The following GRIK1 variants were observed in gnomAD, a reference collection of about 807,000 sequenced individuals.
The protein encoded by GRIK1 is glutamate ionotropic receptor kainate type subunit 1.
A neutral mutation model predicts 105.7 loss-of-function variants in GRIK1; 69 were observed. The ratio of observed to expected loss-of-function variants is 0.65; its 90% CI spans 0.54 to 0.80. The LOEUF is 0.80. Among genes scored for constraint, GRIK1 ranks in the 30% least tolerant of loss-of-function variants. The pLI, the probability that GRIK1 is intolerant of heterozygous loss-of-function variation, is 0.00. For missense variants in GRIK1, 1,109 were observed against 1,167.3 expected (o/e 0.95, Z 0.73); for synonymous variants, 438 against 431.3 (o/e 1.02, Z -0.19).
At chr21:29,668,892 T>G (rs1011097685) in intron 4 of GRIK1, among the ~76,000 whole-genome samples, 4 of 152,178 alleles carry the variant, frequency 2.6e-5, no homozygotes, top group African/African-American at 9.7e-5. Context: ...GAGCAATGGT[T>G]TCCACATTGA....
chr21:29,762,387 C>A (rs1260487174), intron 1 of GRIK1, among the ~76,000 whole-genome samples: 1 of 152,108 alleles, frequency 6.6e-6, no homozygotes, highest in East Asian at 1.9e-4. Flanking sequence ...ATTAATTTAT[C>A]ATAAAGGAAA....
chr21:29,628,464 T>C (rs2062184271), intron 7 of GRIK1, among the ~76,000 whole-genome samples: 1 of 152,246 alleles, frequency 6.6e-6, no homozygotes, highest in Non-Finnish European at 1.5e-5. Flanking sequence ...CAATATTTGA[T>C]TTCCAACTCT....
chr21:29,708,525 G>A (rs977967708), intron 1 of GRIK1, among the ~76,000 whole-genome samples: 8 of 152,084 alleles, frequency 5.3e-5, no homozygotes, highest in Non-Finnish European at 1.0e-4. Flanking sequence ...CTTTCCCTTC[G>A]GAATACATGC....
intron 1 of GRIK1, among the ~76,000 whole-genome samples, chr21:29,879,762 G>A (rs2069332118): frequency 6.6e-6 from 1 of 152,040 alleles, no homozygotes. Context: ...AAAGAAAGAG[G>A]ATAATAAGGC....
intron 4 of GRIK1, among the ~76,000 whole-genome samples, chr21:29,664,401 C>T (rs1348574596): frequency 6.6e-6 from 1 of 152,138 alleles, no homozygotes; most frequent in African/African-American, 2.4e-5. Context: ...TGGTGCTGAG[C>T]TTAATGCCTT....
At chr21:29,861,053 G>A (rs2068620229) in intron 1 of GRIK1, among the ~76,000 whole-genome samples, 1 of 151,420 alleles carries the variant, frequency 6.6e-6, no homozygotes, top group African/African-American at 2.4e-5. Flanking sequence ...AATTACGTAT[G>A]TGACTCACTT....
At chr21:29,589,768 CAACT>C (rs2061305916) in intron 10 of GRIK1, among the ~76,000 whole-genome samples, 2 of 152,030 alleles carry the variant, frequency 1.3e-5, no homozygotes, top group Admixed American at 1.3e-4. Context: ...TCTACATCAC[CAACT>C]ATTTCCTTTC....
intron 1 of GRIK1, among the ~76,000 whole-genome samples, chr21:29,880,288 C>T (rs958134858): frequency 1.3e-5 from 2 of 151,900 alleles, no homozygotes; most frequent in Admixed American, 6.6e-5. Flanking sequence ...AAATCTTTAC[C>T]AACTCATTTC....
rs183894578 is a variant in GRIK1 at position 29,825,953 on chromosome 21, T to G, written c.118+113430A>C. Among the ~76,000 whole-genome samples, 43 of 152,208 alleles carry G rather than the reference T, an allele frequency of 2.8e-4. 1 individual carries two copies. The highest frequency in any genetic ancestry group is 2.8e-3 in the Admixed American group (43 of 15,252). On this transcript the variant is annotated intron_variant, in intron 1 of 17. Transcript: ENST00000327783. The stretch of plus-strand genomic sequence containing the variant: ...GTCTTGTTTAAAAGGAATTTCTGCT[T>G]CTTTTAGAATAATGTAACAAGTAAC...
rs147286395 is a variant in GRIK1 at position 29,831,534 on chromosome 21, G to A, written c.118+107849C>T. ...GCCTCAGGAAACTTTCAATCATGGC[G>A]GAAGGCAAAGGGGAAGCAGGAACAT... is the stretch of plus-strand genomic sequence containing the variant. On this transcript the variant is annotated intron_variant, in intron 1 of 17. Transcript: ENST00000327783. Among the ~76,000 whole-genome samples, 794 of 152,208 alleles carry A rather than the reference G, an allele frequency of 5.2e-3. 7 individuals are homozygous for A. Among genetic ancestry groups the A allele is most frequent in the African/African-American group, 0.018 (756 of 41,522 alleles).
chr21:29,587,287 A>G (rs559861674), intron 12 of GRIK1, 79 bp downstream of exon 12: 37 of 833,324 alleles, frequency 4.4e-5, no homozygotes, highest in Admixed American at 2.8e-4. Context: ...AAAGTTCCTA[A>G]TTTTTGTCTG....
At chr21:29,768,126 GA>G (rs1246486373) in intron 1 of GRIK1, among the ~76,000 whole-genome samples, 1 of 152,220 alleles carries the variant, frequency 6.6e-6, no homozygotes, top group Admixed American at 6.5e-5. Flanking sequence ...AATGATTATC[GA>G]GAGTTTTTAG....
chr21:29,567,498 C>T (rs2090638371), intron 14 of GRIK1, among the ~76,000 whole-genome samples: 1 of 152,092 alleles, frequency 6.6e-6, no homozygotes, highest in Non-Finnish European at 1.5e-5. Flanking sequence ...TATGTTTTTA[C>T]TCTACACACT....
At chr21:29,618,216 G>A (rs1488350044) in intron 7 of GRIK1, among the ~76,000 whole-genome samples, 2 of 152,176 alleles carry the variant, frequency 1.3e-5, no homozygotes, top group Non-Finnish European at 2.9e-5. Context: ...GCATGAAATC[G>A]ATTGCTTACT....
intron 1 of GRIK1, among the ~76,000 whole-genome samples, chr21:29,908,491 C>A (rs1035492875): frequency 6.6e-6 from 1 of 152,086 alleles, no homozygotes; most frequent in Non-Finnish European, 1.5e-5. Flanking sequence ...GCAGAGCGTA[C>A]CTTCAGGAGT....
chr21:29,916,914 CT>C (rs1225521022), intron 1 of GRIK1, among the ~76,000 whole-genome samples: 1 of 151,934 alleles, frequency 6.6e-6, no homozygotes. Context: ...ATGAATATAT[CT>C]TTTATGTAAC....
chr21:29,828,011 CTGTGTGTGTGTG>C (rs138594747), intron 1 of GRIK1, among the ~76,000 whole-genome samples: 10 of 76,380 alleles, frequency 1.3e-4, no homozygotes, highest in African/African-American at 3.2e-4. Context: ...CTGTCTCTCT[CTGTGTGTGTGTG>C]TGTGTGTGTG....
intron 14 of GRIK1, among the ~76,000 whole-genome samples, chr21:29,573,129 A>C (rs775215868): frequency 6.6e-6 from 1 of 152,164 alleles, no homozygotes; most frequent in Non-Finnish European, 1.5e-5. Flanking sequence ...GCTAGTGCAC[A>C]GGGCGTACTG....
intron 1 of GRIK1, among the ~76,000 whole-genome samples, chr21:29,878,885 G>T (rs996116197): frequency 1.3e-5 from 2 of 151,946 alleles, no homozygotes; most frequent in African/African-American, 4.8e-5. Context: ...ATGGTCCTTT[G>T]TCATGGGCCC....
Sources: allele counts gnomAD v4.1 joint callset (sites outside exome capture counted in the v4.1 genomes callset), GRCh38; gene constraint gnomAD v4.1.1; transcripts MANE v1.5; gene names NCBI Gene and HGNC (gene_info 2026-07-23, HGNC 2026-07-21).